FAM171A1: variants seen among roughly 807,000 people sequenced by gnomAD.
The protein encoded by FAM171A1 is protein FAM171A1.
Under a neutral mutation model 74.9 loss-of-function variants are expected in FAM171A1, and 23 were observed. That is an observed-to-expected ratio of 0.31 (90% confidence interval 0.22 to 0.44). FAM171A1 has a LOEUF of 0.44. Ranked by LOEUF, FAM171A1 falls within the 20% of genes least tolerant of loss-of-function variation. The probability of loss-of-function intolerance (pLI) is 1.00; values close to 1 mark genes in which losing one functional copy is unlikely to be tolerated. For missense variants in FAM171A1, 1,162 were observed against 1,159.2 expected (o/e 1.00, Z -0.03); for synonymous variants, 527 against 505.7 (o/e 1.04, Z -0.57).
chr10:15,288,092 A>G (rs1362185975), intron 1 of FAM171A1, among the ~76,000 whole-genome samples: 1 of 152,214 alleles, frequency 6.6e-6, no homozygotes, highest in Non-Finnish European at 1.5e-5. Context: ...AAATGTAATT[A>G]TTTCATTCCT....
At chr10:15,374,254 G>A (rs1249325196), upstream of FAM171A1, among the ~76,000 whole-genome samples, 1 of 152,172 alleles carries the variant, frequency 6.6e-6, no homozygotes, top group African/African-American at 2.4e-5. Context: ...AGATGCCCTT[G>A]TGAAAGAGAA....
chr10:15,262,629 T>C (rs1834672402), intron 3 of FAM171A1, among the ~76,000 whole-genome samples: 1 of 152,172 alleles, frequency 6.6e-6, no homozygotes, highest in Non-Finnish European at 1.5e-5. Context: ...GACATGTGCC[T>C]GGCAAGGGGA....
Position 15,283,886 on chromosome 10 carries a change from C to G in FAM171A1, c.317G>C (p.Arg106Pro). Residue 106 changes from arginine to proline, a missense_variant, in exon 2 of 8, where the codon CGG becomes CCG. Transcript: ENST00000378116. ...GATGAGGAACGCCTTACCAGGTAAC[C>G]GGATTGGCTTCCATGGGGCAGAGTT... is the stretch of plus-strand genomic sequence containing the variant. ...VPNSAPWKPI[R>P]LPVFSSLSLG... The G allele has an allele frequency of 6.2e-7, 1 of 1,614,158 alleles. No homozygotes were observed. The highest frequency in any genetic ancestry group is 8.5e-7 in the Non-Finnish European group (1 of 1,180,000).
chr10:15,365,776 A>AT (rs1259637234), intron 1 of FAM171A1, among the ~76,000 whole-genome samples: 1 of 151,026 alleles, frequency 6.6e-6, no homozygotes, highest in African/African-American at 2.5e-5. Context: ...TTAAAAAAAA[A>AT]AAAAGAGAGA....
rs58703599 is a variant in FAM171A1 at position 15,351,595 on chromosome 10, G to GGATGGATGGATT, written c.97+19360_97+19361insAATCCATCCATC. On this transcript the variant is annotated intron_variant, in intron 1 of 7. Coordinates refer to ENST00000378116, the MANE Select transcript of FAM171A1 (RefSeq NM_001010924.2). The stretch of plus-strand genomic sequence containing the variant: ...TGGATGGATGGATGGATGGATGGAT[G>GGATGGATGGATT]CATGGATGGATGGATGCATGGATGG... Among the ~76,000 whole-genome samples, 7 of 52,136 alleles carry GGATGGATGGATT rather than the reference G, an allele frequency of 1.3e-4. No homozygotes were observed. The East Asian group carries it at 4.1e-3, about 30-fold the overall frequency. 34.2% of individuals were successfully genotyped at this position (52,136 alleles called of 152,430 possible).
At chr10:15,349,718 G>A (rs539295240) in intron 1 of FAM171A1, among the ~76,000 whole-genome samples, 44 of 152,244 alleles carry the variant, frequency 2.9e-4, no homozygotes, top group African/African-American at 1.0e-3. Flanking sequence ...ACTCAACAAT[G>A]TTCATAATCT....
chr10:15,357,697 G>A (rs10906895), intron 1 of FAM171A1, among the ~76,000 whole-genome samples: 1 of 152,026 alleles, frequency 6.6e-6, no homozygotes, highest in Admixed American at 6.6e-5. Flanking sequence ...GGGCACTGAT[G>A]CCTGAGACAC....
intron 1 of FAM171A1, among the ~76,000 whole-genome samples, chr10:15,364,723 G>A (rs1209210782): frequency 1.3e-5 from 2 of 152,194 alleles, no homozygotes; most frequent in African/African-American, 4.8e-5. Flanking sequence ...AGGCTCTAGG[G>A]TAAAATTGGT....
chr10:15,244,480 T>C (rs376158685), intron 5 of FAM171A1, among the ~76,000 whole-genome samples: 95 of 152,278 alleles, frequency 6.2e-4, no homozygotes, highest in African/African-American at 2.0e-3. Flanking sequence ...GATCACACCA[T>C]TGCACTCTAG....
chr10:15,216,868 C>T (rs577555455), intron 6 of FAM171A1, among the ~76,000 whole-genome samples: 257 of 148,470 alleles, frequency 1.7e-3, no homozygotes, highest in African/African-American at 6.2e-3. Context: ...GTTTTATTTT[C>T]GCTTTTCCCG....
intron 5 of FAM171A1, among the ~76,000 whole-genome samples, chr10:15,233,577 A>G (rs1294802183): frequency 2.0e-5 from 3 of 150,254 alleles, no homozygotes; most frequent in Non-Finnish European, 4.4e-5. Context: ...CGTAAAAATA[A>G]TTTTAAAGGG....
chr10:15,352,316 A>G (rs538207180), intron 1 of FAM171A1, among the ~76,000 whole-genome samples: 1 of 152,308 alleles, frequency 6.6e-6, no homozygotes, highest in South Asian at 2.1e-4. Context: ...AACTTCAAGT[A>G]TTGTTAGTCC....
At chr10:15,308,648 A>C (rs1835324805) in intron 1 of FAM171A1, among the ~76,000 whole-genome samples, 1 of 152,016 alleles carries the variant, frequency 6.6e-6, no homozygotes, top group Non-Finnish European at 1.5e-5. Context: ...TCTGTCTCAA[A>C]AAACAAACAA....
At chr10:15,224,348 C>T (rs781544520) in intron 5 of FAM171A1, among the ~76,000 whole-genome samples, 11 of 152,170 alleles carry the variant, frequency 7.2e-5, no homozygotes, top group Admixed American at 1.3e-4. Context: ...CAGCTGTGCC[C>T]GGGCTGGAAA....
At chr10:15,280,476 T>G (rs1344431293) in intron 2 of FAM171A1, among the ~76,000 whole-genome samples, 1 of 152,134 alleles carries the variant, frequency 6.6e-6, no homozygotes, top group Non-Finnish European at 1.5e-5. Flanking sequence ...AATGACAGCC[T>G]TTAGTGGATG....
chr10:15,289,248 G>A (rs1347585921), intron 1 of FAM171A1, among the ~76,000 whole-genome samples: 1 of 152,134 alleles, frequency 6.6e-6, no homozygotes, highest in Admixed American at 6.5e-5. Flanking sequence ...GCTGTCATCT[G>A]ACTAGGCAAG....
At chr10:15,350,416 C>T (rs1835864063) in intron 1 of FAM171A1, among the ~76,000 whole-genome samples, 1 of 152,076 alleles carries the variant, frequency 6.6e-6, no homozygotes, top group Non-Finnish European at 1.5e-5. Flanking sequence ...CGGCTCACTG[C>T]AACCTGCGCC....
chr10:15,237,288 C>G (rs1471501497), intron 5 of FAM171A1, among the ~76,000 whole-genome samples: 1 of 152,078 alleles, frequency 6.6e-6, no homozygotes, highest in East Asian at 1.9e-4. Flanking sequence ...ACCTAAGTCC[C>G]TAAGAATGGG....
chr10:15,348,047 G>A (rs1247046238), intron 1 of FAM171A1, among the ~76,000 whole-genome samples: 2 of 151,874 alleles, frequency 1.3e-5, no homozygotes, highest in Admixed American at 1.3e-4. Flanking sequence ...GCACCAACTC[G>A]GTTCACTGCA....
Sources: allele counts gnomAD v4.1 joint callset (sites outside exome capture counted in the v4.1 genomes callset), GRCh38; gene constraint gnomAD v4.1.1; transcripts MANE v1.5; gene names NCBI Gene and HGNC (gene_info 2026-07-23, HGNC 2026-07-21).